The following CHRDL1 variants were observed in gnomAD, a reference collection of about 807,000 sequenced individuals.
CHRDL1 encodes the protein chordin-like protein 1.
In CHRDL1, 19 loss-of-function variants were observed where a neutral mutation model predicts 40.9. The observed-to-expected ratio is 0.46, with a 90% CI of 0.32 to 0.68. The LOEUF (loss-of-function observed/expected upper bound fraction) is 0.68, where lower values mean the gene tolerates loss of function less well. CHRDL1 is among the 30% of genes least tolerant of loss of function. The probability of loss-of-function intolerance (pLI) is 0.03; values close to 1 mark genes in which losing one functional copy is unlikely to be tolerated. For synonymous variants in CHRDL1, 136 were observed against 123.4 expected, an observed-to-expected ratio of 1.10 and a Z score of -0.68; for missense variants, 329 against 352.1, an observed-to-expected ratio of 0.93 and a Z score of 0.53.
intron 2 of CHRDL1, among the ~76,000 whole-genome samples, chrX:110,777,725 G>C (rs1404557349): frequency 9.0e-6 from 1 of 111,678 alleles, no homozygotes; most frequent in Non-Finnish European, 1.9e-5. Flanking sequence ...TGTTGAGTTT[G>C]AAGAGTTCTT....
At chrX:110,775,343 A>T (rs1210596976) in intron 2 of CHRDL1, among the ~76,000 whole-genome samples, 1 of 111,787 alleles carries the variant, frequency 8.9e-6, no homozygotes, top group South Asian at 3.8e-4. Flanking sequence ...CACTAAAAAA[A>T]TAAAATTTGA....
intron 2 of CHRDL1, among the ~76,000 whole-genome samples, chrX:110,788,206 AGTATTTTCGGGTTTC>A (rs1257373613): frequency 8.9e-6 from 1 of 112,286 alleles, no homozygotes; most frequent in Non-Finnish European, 1.9e-5. Flanking sequence ...ATGCACTATC[AGTATTTTCGGGTTTC>A]CTGAGCCTGT....
chrX:110,731,894 ATG>A (rs774617926), intron 4 of CHRDL1, among the ~76,000 whole-genome samples: 17 of 110,686 alleles, frequency 1.5e-4, no homozygotes, highest in Admixed American at 1.4e-3. Context: ...GTGGTGATGG[ATG>A]CAACATCTTG....
chrX:110,742,951 T>C (rs1209295356), intron 4 of CHRDL1, among the ~76,000 whole-genome samples: 1 of 112,072 alleles, frequency 8.9e-6, no homozygotes, highest in African/African-American at 3.2e-5. Flanking sequence ...AAAATTAAAT[T>C]CACTGCCGCA....
chrX:110,752,803 T>C (rs2089383009), intron 4 of CHRDL1, among the ~76,000 whole-genome samples: 2 of 111,120 alleles, frequency 1.8e-5, no homozygotes, highest in South Asian at 7.7e-4. Flanking sequence ...TAAAAAGGAA[T>C]TGATCTGTTT....
chrX:110,713,518 G>A (rs373523574), intron 6 of CHRDL1, among the ~76,000 whole-genome samples: 3 of 111,817 alleles, frequency 2.7e-5, no homozygotes, highest in African/African-American at 6.5e-5. Context: ...TGCATGTCCC[G>A]TCTTCCCCTT....
At chrX:110,718,717 A>T (rs1190106854) in intron 6 of CHRDL1, among the ~76,000 whole-genome samples, 1 of 112,080 alleles carries the variant, frequency 8.9e-6, no homozygotes, top group Non-Finnish European at 1.9e-5. Flanking sequence ...TGACAACTCA[A>T]CCTAAATAAA....
intron 6 of CHRDL1, among the ~76,000 whole-genome samples, chrX:110,704,226 A>G (rs1236495420): frequency 1.8e-5 from 2 of 111,701 alleles, no homozygotes; most frequent in Non-Finnish European, 3.8e-5. Flanking sequence ...GTATCAAAAC[A>G]TATCATGTAC....
At chrX:110,756,796 C>A (rs778347722) in intron 4 of CHRDL1, among the ~76,000 whole-genome samples, 1 of 111,591 alleles carries the variant, frequency 9.0e-6, no homozygotes, top group South Asian at 3.7e-4. Flanking sequence ...GAAAAGCTGT[C>A]AAGAAACCCA....
intron 4 of CHRDL1, 134 bp downstream of exon 4, chrX:110,759,527 T>G (rs1181040281): frequency 2.0e-6 from 1 of 508,471 alleles, no homozygotes. Context: ...TAGAGGCCAG[T>G]TTGGACTGCC....
At chrX:110,679,732 A>T (rs1320668004) in intron 10 of CHRDL1, among the ~76,000 whole-genome samples, 2 of 111,458 alleles carry the variant, frequency 1.8e-5, no homozygotes, top group Non-Finnish European at 3.8e-5. Context: ...TGCTTACTGG[A>T]GCTTCTGCAG....
chrX:110,779,704 G>A (rs2148528762), intron 2 of CHRDL1, among the ~76,000 whole-genome samples: 1 of 111,103 alleles, frequency 9.0e-6, no homozygotes, highest in East Asian at 2.8e-4. Context: ...GAGTCAGTTT[G>A]TTGACATCCA....
intron 11 of CHRDL1, among the ~76,000 whole-genome samples, chrX:110,677,311 T>C (rs1252985448): frequency 1.8e-5 from 2 of 111,367 alleles, no homozygotes; most frequent in Non-Finnish European, 3.8e-5. Flanking sequence ...AAGAAGAGGA[T>C]TTGGGCAAGG....
At chrX:110,749,744 A>C (rs2089323471) in intron 4 of CHRDL1, among the ~76,000 whole-genome samples, 1 of 112,021 alleles carries the variant, frequency 8.9e-6, no homozygotes, top group South Asian at 3.7e-4. Flanking sequence ...GACAAAAATC[A>C]TTCTAATAAA....
chrX:110,744,566 A>G (rs1337173630), intron 4 of CHRDL1, among the ~76,000 whole-genome samples: 1 of 111,720 alleles, frequency 9.0e-6, no homozygotes, highest in African/African-American at 3.3e-5. Flanking sequence ...CATGTGTTCC[A>G]TGAGTAGAGA....
chrX:110,749,325 A>G (rs1473920205), intron 4 of CHRDL1, among the ~76,000 whole-genome samples: 1 of 111,264 alleles, frequency 9.0e-6, no homozygotes, highest in East Asian at 2.8e-4. Flanking sequence ...TCAACTCCCA[A>G]GTTTGACGTA....
At chrX:110,685,303 C>G (rs1260292469) in intron 9 of CHRDL1, among the ~76,000 whole-genome samples, 3 of 111,513 alleles carry the variant, frequency 2.7e-5, no homozygotes, top group Non-Finnish European at 5.6e-5. Context: ...GTTGCCCAGG[C>G]CAGAGTGCAA....
At chrX:110,759,222 T>C (rs2089514271) in intron 4 of CHRDL1, among the ~76,000 whole-genome samples, 1 of 112,191 alleles carries the variant, frequency 8.9e-6, no homozygotes, top group Non-Finnish European at 1.9e-5. Context: ...GTCATAAACC[T>C]CACTGGGTCA....
chrX:110,754,417 T>C (rs767155945), intron 4 of CHRDL1, among the ~76,000 whole-genome samples: 3 of 112,498 alleles, frequency 2.7e-5, no homozygotes, highest in Non-Finnish European at 3.8e-5. Context: ...GATTTTTCAG[T>C]GTACAATTTT....
Sources: gnomAD v4.1 joint callset for allele counts (sites outside exome capture counted in the v4.1 genomes callset) on GRCh38, gnomAD v4.1.1 for gene constraint, MANE v1.5 for transcripts, NCBI Gene and HGNC (gene_info 2026-07-23, HGNC 2026-07-21) for gene names.